The following OTUD7A variants were observed in gnomAD, a reference collection of about 807,000 sequenced individuals.
OTUD7A encodes the protein OTU deubiquitinase 7A, also known as OTU domain-containing protein 7A.
A neutral mutation model predicts 65.7 loss-of-function variants in OTUD7A; 12 were observed. The ratio of observed to expected loss-of-function variants is 0.18; its 90% CI spans 0.12 to 0.30. OTUD7A has a LOEUF of 0.30. Ranked by LOEUF, OTUD7A falls within the 10% of genes least tolerant of loss-of-function variation. The probability of loss-of-function intolerance (pLI) is 1.00; values close to 1 mark genes in which losing one functional copy is unlikely to be tolerated. For missense variants in OTUD7A, 1,148 were observed against 1,304.8 expected (o/e 0.88, Z 1.85); for synonymous variants, 641 against 586.3 (o/e 1.09, Z -1.35).
chr15:31,579,146 TGAA>T (rs1298173363), intron 3 of OTUD7A, among the ~76,000 whole-genome samples: 1 of 152,188 alleles, frequency 6.6e-6, no homozygotes, highest in Non-Finnish European at 1.5e-5. Flanking sequence ...GGTTTGTATC[TGAA>T]GAAGGTCAGG....
chr15:31,656,027 C>T (rs1891981021), intron 2 of OTUD7A, among the ~76,000 whole-genome samples: 2 of 152,270 alleles, frequency 1.3e-5, no homozygotes, highest in South Asian at 2.1e-4. Flanking sequence ...CCACAGTTGA[C>T]GGAAATACCA....
intron 1 of OTUD7A, among the ~76,000 whole-genome samples, chr15:31,866,522 C>T (rs991504421): frequency 1.3e-5 from 2 of 152,192 alleles, no homozygotes; most frequent in East Asian, 1.9e-4. Context: ...GTGATGAAGG[C>T]GGTTCCCCCC....
chr15:31,603,338 T>A (rs1313711156), intron 3 of OTUD7A, among the ~76,000 whole-genome samples: 2 of 152,158 alleles, frequency 1.3e-5, no homozygotes, highest in South Asian at 4.1e-4. Context: ...AAACAAGCAA[T>A]GGGGAAAGGA....
intron 1 of OTUD7A, chr15:31,767,239 T>C: frequency 1.1e-6 from 1 of 918,374 alleles, no homozygotes; most frequent in Non-Finnish European, 1.8e-6. Context: ...TGTATCCCAC[T>C]GGATCTATCT....
At chr15:31,790,319 A>T (rs1000943835) in intron 1 of OTUD7A, among the ~76,000 whole-genome samples, 1 of 152,210 alleles carries the variant, frequency 6.6e-6, no homozygotes, top group East Asian at 1.9e-4. Flanking sequence ...ACAAGTTCTC[A>T]GCTGATGCTG....
chr15:31,748,395 A>G (rs907797369), intron 1 of OTUD7A, among the ~76,000 whole-genome samples: 3 of 151,330 alleles, frequency 2.0e-5, no homozygotes, highest in African/African-American at 7.3e-5. Context: ...ACAAACACAC[A>G]TAACTATTAT....
Position 31,478,376 on chromosome 15 carries a change from G to A in OTUD7A, c.*4918C>T, listed in dbSNP as rs1283692953. ...TATATATATCCTTGATATGCTCTTT[G>A]GGAGGAATAAAAAGATGCAAGCAAT... On this transcript the variant is annotated 3_prime_UTR_variant, in exon 13 of 13. Transcript: ENST00000307050. The A allele has an allele frequency of 6.6e-6, 1 of 152,120 alleles. No individual in the cohort carries two copies. The highest frequency in any genetic ancestry group is 1.5e-5 in the Non-Finnish European group (1 of 68,036). The allele number at this position is 152,120 out of a possible 1,614,324, so 9.4% of individuals were successfully genotyped here.
At chr15:31,846,793 G>A (rs567281767) in intron 1 of OTUD7A, among the ~76,000 whole-genome samples, 2 of 152,308 alleles carry the variant, frequency 1.3e-5, no homozygotes, top group South Asian at 4.2e-4. Flanking sequence ...TAGCATATAT[G>A]ATTATTTACT....
intron 9 of OTUD7A, among the ~76,000 whole-genome samples, chr15:31,502,879 C>T (rs1054941624): frequency 6.6e-6 from 1 of 152,238 alleles, no homozygotes; most frequent in African/African-American, 2.4e-5. Context: ...ACATAACCAT[C>T]GTGGCCACAT....
Position 31,789,708 on chromosome 15 carries a change from T to C in OTUD7A, c.-100+80799A>G, listed in dbSNP as rs897734841. 8.9e-3 allele frequency among the ~76,000 whole-genome samples: 35 copies of C among 3,924 alleles called. No homozygotes were observed. The Middle Eastern group carries it at 0.5, about 56-fold the overall frequency. The allele number at this position is 3,924 out of a possible 152,430, so 2.6% of individuals were successfully genotyped here. A position where few individuals can be genotyped will look rare whatever the true frequency, so the allele number is the denominator to read the frequency against. On this transcript the variant is annotated intron_variant, in intron 1 of 12. Coordinates refer to ENST00000307050, the MANE Select transcript of OTUD7A (RefSeq NM_001382637.1). ...AACTGTGGAAATCCAATGCTGCCCT[T>C]TTTTTTTTTTTTTTTTTGAGACCGA...
intron 1 of OTUD7A, among the ~76,000 whole-genome samples, chr15:31,812,306 A>C (rs888077718): frequency 6.6e-6 from 1 of 152,200 alleles, no homozygotes; most frequent in Non-Finnish European, 1.5e-5. Context: ...GACGTGCAGG[A>C]ATCAGGCAGT....
chr15:31,748,037 C>A (rs1266504210), intron 1 of OTUD7A, among the ~76,000 whole-genome samples: 3 of 152,058 alleles, frequency 2.0e-5, no homozygotes, highest in African/African-American at 7.2e-5. Flanking sequence ...TTAAAAGAGA[C>A]TAAGAAGACA....
intron 1 of OTUD7A, among the ~76,000 whole-genome samples, chr15:31,701,182 G>C (rs1347518851): frequency 6.6e-6 from 1 of 151,808 alleles, no homozygotes; most frequent in African/African-American, 2.4e-5. Context: ...TTGGATTCTA[G>C]AACAGAAAGA....
At chr15:31,739,547 C>A (rs1313541219) in intron 1 of OTUD7A, among the ~76,000 whole-genome samples, 1 of 152,102 alleles carries the variant, frequency 6.6e-6, no homozygotes, top group African/African-American at 2.4e-5. Context: ...ATAAAACTTT[C>A]AAATAACTAC....
chr15:31,548,149 G>A (rs997201269), intron 5 of OTUD7A, among the ~76,000 whole-genome samples: 4 of 148,560 alleles, frequency 2.7e-5, no homozygotes, highest in Non-Finnish European at 6.0e-5. Context: ...TGTGAGGAGT[G>A]TTAAATGTAA....
chr15:31,627,634 T>C (rs2141245016), intron 3 of OTUD7A, among the ~76,000 whole-genome samples: 1 of 152,264 alleles, frequency 6.6e-6, no homozygotes, highest in South Asian at 2.1e-4. Flanking sequence ...TCAAATGATA[T>C]TTCTAGTTCT....
intron 1 of OTUD7A, among the ~76,000 whole-genome samples, chr15:31,697,435 C>T (rs1462188362): frequency 7.1e-6 from 1 of 140,706 alleles, no homozygotes; most frequent in Admixed American, 7.3e-5. Flanking sequence ...AGGCTGCTAT[C>T]CCATTCGGGT....
At chr15:31,709,408 C>A (rs1021796897) in intron 1 of OTUD7A, among the ~76,000 whole-genome samples, 1 of 152,056 alleles carries the variant, frequency 6.6e-6, no homozygotes, top group Non-Finnish European at 1.5e-5. Flanking sequence ...CCTGCACACA[C>A]GTGGGGCACC....
intron 1 of OTUD7A, among the ~76,000 whole-genome samples, chr15:31,670,291 T>C (rs375769486): frequency 1.3e-5 from 2 of 152,198 alleles, no homozygotes; most frequent in East Asian, 3.8e-4. Flanking sequence ...CCTTTGGGTA[T>C]ATATAGTAAT....
Sources: allele counts gnomAD v4.1 joint callset (sites outside exome capture counted in the v4.1 genomes callset), GRCh38; gene constraint gnomAD v4.1.1; transcripts MANE v1.5; gene names NCBI Gene and HGNC (gene_info 2026-07-23, HGNC 2026-07-21).